The following PRDM2 variants were observed in gnomAD, a reference collection of about 807,000 sequenced individuals.
The protein encoded by PRDM2 is PR/SET domain 2.
Under a neutral mutation model 130.0 loss-of-function variants are expected in PRDM2, and 30 were observed. The ratio of observed to expected loss-of-function variants is 0.23; its 90% confidence interval spans 0.17 to 0.31. The LOEUF (loss-of-function observed/expected upper bound fraction) is 0.31, where lower values mean the gene tolerates loss of function less well. Among genes scored for constraint, PRDM2 ranks in the 10% least tolerant of loss-of-function variants. The probability of loss-of-function intolerance (pLI) is 1.00; values close to 1 mark genes in which losing one functional copy is unlikely to be tolerated. For missense variants in PRDM2, 2,011 were observed against 2,108.4 expected (o/e 0.95, Z 0.90); for synonymous variants, 871 against 782.4 (o/e 1.11, Z -1.89).
chr1:13,741,237 G>A (rs1643427918), intron 4 of PRDM2, among the ~76,000 whole-genome samples: 1 of 152,182 alleles, frequency 6.6e-6, no homozygotes. Flanking sequence ...ATCTGTGGGA[G>A]GAATTGGTGT....
chr1:13,791,619 G>A (rs1383177118), intron 8 of PRDM2, among the ~76,000 whole-genome samples: 7 of 152,232 alleles, frequency 4.6e-5, no homozygotes, highest in South Asian at 2.1e-4. Context: ...ACGTTCTGCC[G>A]ATACCTTATT....
At chr1:13,718,471 G>A (rs184058056) in intron 2 of PRDM2, among the ~76,000 whole-genome samples, 3 of 152,258 alleles carry the variant, frequency 2.0e-5, no homozygotes, top group Non-Finnish European at 2.9e-5. Flanking sequence ...CTATTGAGGC[G>A]GCATTCTGGA....
chr1:13,783,894 C>A (rs1644679727), intron 8 of PRDM2, among the ~76,000 whole-genome samples: 1 of 152,030 alleles, frequency 6.6e-6, no homozygotes, highest in Non-Finnish European at 1.5e-5. Context: ...TTTAAGCAAG[C>A]AGAATTAGGG....
Position 13,727,364 on chromosome 1 carries a change from C to G in PRDM2, c.10-3636C>G, listed in dbSNP as rs373583912. Among the ~76,000 whole-genome samples the G allele has an allele frequency of 7.9e-5, 12 of 152,256 alleles. No homozygotes were observed. The East Asian group carries it at 1.9e-3, about 25-fold the overall frequency. On this transcript the variant is annotated intron_variant, in intron 2 of 9. Transcript: ENST00000311066. The stretch of plus-strand genomic sequence containing the variant: ...CCACCTTCCGGGCTCAAGCAATTCT[C>G]TTGCTTCAGCCTCCTGAGTAGCTGG...
chr1:13,725,712 G>A (rs904854121), intron 2 of PRDM2, among the ~76,000 whole-genome samples: 1 of 152,130 alleles, frequency 6.6e-6, no homozygotes, highest in African/African-American at 2.4e-5. Context: ...ACACATGATA[G>A]CCTCCAGAAA....
At chr1:13,760,205 G>A (rs1644062655) in intron 6 of PRDM2, among the ~76,000 whole-genome samples, 1 of 152,112 alleles carries the variant, frequency 6.6e-6, no homozygotes, top group African/African-American at 2.4e-5. Flanking sequence ...ACCCTTTTAA[G>A]TTTTAAAGAC....
intron 4 of PRDM2, among the ~76,000 whole-genome samples, chr1:13,740,890 A>G (rs1408376452): frequency 6.6e-6 from 1 of 152,156 alleles, no homozygotes; most frequent in Non-Finnish European, 1.5e-5. Context: ...GGGGAGTGGG[A>G]GCTTTGTTCC....
chr1:13,770,424 T>C, intron 6 of PRDM2: 1 of 394,906 alleles, frequency 2.5e-6, no homozygotes, highest in Non-Finnish European at 5.0e-6. Flanking sequence ...TTTTACTTAT[T>C]TAATACTCTA....
chr1:13,781,568 A>T lies in PRDM2; in HGVS notation c.3773A>T (p.Glu1258Val). The change falls in exon 8 of 10, where the codon GAA (glutamate) becomes GTA (valine). Residue 1258 changes from glutamate (E) to valine (V), a missense_variant. By Grantham distance (121) the Glu-to-Val change is moderately radical. Transcript: ENST00000311066. The surrounding 1 kb of genome is among the most constrained non-coding windows in gnomAD (Gnocchi z 6.1). The part of the protein sequence containing the change: ...LPEDPLETSK[E>V]EEELNDSSEE... ...GAAGATCCTTTAGAAACTTCTAAAG[A>T]AGAAGAGGAGTTAAATGATTCCTCT... The T allele has an allele frequency of 6.2e-7, 1 of 1,611,298 alleles. No homozygotes were observed. The highest frequency in any genetic ancestry group is 2.2e-5 in the East Asian group (1 of 44,888).
intron 8 of PRDM2, among the ~76,000 whole-genome samples, chr1:13,813,957 A>G (rs961288087): frequency 6.6e-6 from 1 of 152,218 alleles, no homozygotes. Context: ...ACTTAACAGC[A>G]GAGAAAGGGA....
At position 13,817,500 on chromosome 1, in the gene PRDM2, C is replaced by T. The variant is rs1464162837; in HGVS notation, c.*23+930C>T. 2.6e-5 allele frequency among the ~76,000 whole-genome samples: 4 copies of T among 151,788 alleles called. No individual in the cohort carries two copies. In the East Asian group the frequency reaches 7.7e-4, roughly 29 times the overall value. ...GTGACCCACGAGCAGGCTTGGCCCT[C>T]CCTGTTGGTGACACCACACAACTGC... On this transcript the variant is annotated intron_variant, in intron 9 of 9. Coordinates refer to ENST00000311066, the MANE Select transcript of PRDM2 (RefSeq NM_001393986.1).
chr1:13,739,015 T>C (rs1569813238), intron 4 of PRDM2: 1 of 152,076 alleles, frequency 6.6e-6, no homozygotes, highest in East Asian at 1.9e-4. Context: ...TGAAACACTT[T>C]TTTACCAAAT....
At chr1:13,724,399 A>G (rs1239083786) in intron 2 of PRDM2, among the ~76,000 whole-genome samples, 2 of 152,110 alleles carry the variant, frequency 1.3e-5, no homozygotes, top group Non-Finnish European at 2.9e-5. Context: ...AGCAAATGTC[A>G]CAGCCATGTT....
chr1:13,709,837 T>A (rs1642313607), intron 1 of PRDM2, among the ~76,000 whole-genome samples: 2 of 152,224 alleles, frequency 1.3e-5, no homozygotes, highest in Admixed American at 1.3e-4. Flanking sequence ...CAATGTAGAA[T>A]TTTTTGTAAC....
At chr1:13,807,385 A>C (rs1204450450) in intron 8 of PRDM2, among the ~76,000 whole-genome samples, 1 of 152,230 alleles carries the variant, frequency 6.6e-6, no homozygotes, top group Non-Finnish European at 1.5e-5. Context: ...GTGACAAACC[A>C]GCCTCCAATG....
rs764091420 is a variant in PRDM2 at position 13,779,351 on chromosome 1, G to T, written c.1556G>T (p.Gly519Val). 1.2e-6 allele frequency: 2 copies of T among 1,614,120 alleles called. No individual in the cohort carries two copies. Among genetic ancestry groups the T allele is most frequent in the Non-Finnish European group, 1.7e-6 (2 of 1,180,020 alleles). The part of the protein sequence containing the change: ...HLIPKGVRRK[G>V]GLEEPQPPAE... ...ATTCCCAAAGGTGTACGGCGAAAAGGAGGCCTTGAAGAGCCCCAGCCTCCA... is the reference window on the plus strand; with the variant it reads ...ATTCCCAAAGGTGTACGGCGAAAAGTAGGCCTTGAAGAGCCCCAGCCTCCA... Residue 519 changes from glycine (G) to valine (V), a missense_variant, in exon 8 of 10, where the codon GGA becomes GTA. Around this residue, in one of 5 missense-constraint regions of PRDM2, gnomAD observed 1,288 missense variants for 1,237.7 expected, o/e 1.04. Transcript: ENST00000311066. The surrounding 1 kb of genome is among the most constrained non-coding windows in gnomAD (Gnocchi z 4.9).
chr1:13,728,408 A>G (rs10489152), intron 2 of PRDM2, among the ~76,000 whole-genome samples: 29,187 of 152,150 alleles, frequency 0.19, 3,573 homozygotes, highest in South Asian at 0.34. Context: ...CAGCCCATGA[A>G]TCTACCTTCT....
rs1644562605 is a variant in PRDM2, at chr1:13,779,702, C to T, written c.1907C>T (p.Ala636Val). Residue 636 changes from alanine (A) to valine (V), a missense_variant, in exon 8 of 10, where the codon GCC (alanine) becomes GTC (valine). By Grantham distance (64) the Ala-to-Val change is moderately conservative. This residue lies in a region of PRDM2 where 1,288 missense variants were observed against 1,237.7 expected (regional missense o/e 1.04). Coordinates refer to ENST00000311066, the MANE Select transcript of PRDM2 (RefSeq NM_001393986.1). This position sits in a 1 kb window ranked among gnomAD's most constrained non-coding sequence, Gnocchi z 4.9. ...KEPLGSTNSE[A>V]KKRRTASPPA... The stretch of plus-strand genomic sequence containing the variant: ...CCTTTGGGCAGCACAAATAGTGAGG[C>T]CAAGAAGCGGAGAACTGCGAGCCCA... The T allele has an allele frequency of 1.2e-6, 2 of 1,613,990 alleles. No homozygotes were observed. The highest frequency in any genetic ancestry group is 2.2e-5 in the East Asian group (1 of 44,872).
intron 8 of PRDM2, among the ~76,000 whole-genome samples, chr1:13,797,749 A>C (rs1644944721): frequency 1.3e-5 from 2 of 152,172 alleles, no homozygotes; most frequent in African/African-American, 4.8e-5. Flanking sequence ...GGTGATTAAA[A>C]GTTTCAGACC....
Sources: allele counts gnomAD v4.1 joint callset (sites outside exome capture counted in the v4.1 genomes callset), GRCh38; gene constraint gnomAD v4.1.1; regional missense constraint gnomAD v4.1.1; non-coding constraint Gnocchi (gnomAD v3.1); transcripts MANE v1.5; gene names NCBI Gene and HGNC (gene_info 2026-07-23, HGNC 2026-07-21).